RNF20: variants seen among roughly 807,000 people sequenced by gnomAD.
The protein encoded by RNF20 is E3 ubiquitin-protein ligase BRE1A.
Under a neutral mutation model 126.2 loss-of-function variants are expected in RNF20, and 84 were observed. The ratio of observed to expected loss-of-function variants is 0.67; its 90% CI spans 0.56 to 0.80. The LOEUF (loss-of-function observed/expected upper bound fraction) is 0.80, where lower values mean the gene tolerates loss of function less well. Among genes scored for constraint, RNF20 ranks in the 30% least tolerant of loss-of-function variants. The probability of loss-of-function intolerance (pLI) is 0.00; values close to 1 mark genes in which losing one functional copy is unlikely to be tolerated. For missense variants in RNF20, 869 were observed against 1,188.2 expected, an observed-to-expected ratio of 0.73 and a Z score of 3.95; for synonymous variants, 400 against 414.3, an observed-to-expected ratio of 0.97 and a Z score of 0.42.
At chr9:101,556,423 A>G (rs1827531673) in intron 15 of RNF20, among the ~76,000 whole-genome samples, 2 of 152,202 alleles carry the variant, frequency 1.3e-5, no homozygotes, top group African/African-American at 4.8e-5. Context: ...TGCTAAATAC[A>G]TAGTTTTAAA....
intron 15 of RNF20, among the ~76,000 whole-genome samples, chr9:101,555,337 A>G (rs1025693781): frequency 2.0e-5 from 3 of 152,012 alleles, no homozygotes; most frequent in Admixed American, 1.3e-4. Flanking sequence ...GATATAATCT[A>G]TTAACCAATA....
chr9:101,541,029 T>C, intron 5 of RNF20, 54 bp downstream of exon 5: 1 of 1,403,976 alleles, frequency 7.1e-7, no homozygotes. Context: ...AGAATTCATT[T>C]TTGCATGCTA....
chr9:101,537,123 G>T (rs1456790859), intron 2 of RNF20, among the ~76,000 whole-genome samples: 1 of 152,214 alleles, frequency 6.6e-6, no homozygotes, highest in Admixed American at 6.5e-5. Flanking sequence ...AACAATGGCA[G>T]TGTAAATGGA....
At chr9:101,542,217 G>T (rs774270660) in intron 5 of RNF20, among the ~76,000 whole-genome samples, 4 of 152,092 alleles carry the variant, frequency 2.6e-5, no homozygotes, top group Non-Finnish European at 5.9e-5. Context: ...ATTTGGTCAC[G>T]GGTTTCTTTT....
chr9:101,554,587 TA>T, intron 14 of RNF20, 106 bp from the exon 15 acceptor site: 1 of 882,222 alleles, frequency 1.1e-6, no homozygotes, highest in Non-Finnish European at 1.7e-6. Flanking sequence ...TATAATTCTG[TA>T]AAGACTCTTT....
chr9:101,552,054 G>A (rs1827454984), intron 11 of RNF20, 87 bp from the exon 12 acceptor site: 2 of 1,521,242 alleles, frequency 1.3e-6, no homozygotes, highest in East Asian at 2.3e-5. Flanking sequence ...CTATTTCTCA[G>A]TGCCTCCTGA....
intron 9 of RNF20, among the ~76,000 whole-genome samples, chr9:101,547,970 T>C (rs551623145): frequency 1.3e-5 from 2 of 152,314 alleles, no homozygotes; most frequent in African/African-American, 4.8e-5. Context: ...TCAGTAAAGT[T>C]GCAGGCTACA....
chr9:101,561,814 C>T (rs1254236573), intron 18 of RNF20, 96 bp from the exon 19 acceptor site: 2 of 819,536 alleles, frequency 2.4e-6, no homozygotes, highest in Non-Finnish European at 2.2e-6. Context: ...GATAGAAAGT[C>T]CCCTCTTTTC....
chr9:101,551,533 T>G (rs1195395207), intron 10 of RNF20, 151 bp from the exon 11 acceptor site: 2 of 331,486 alleles, frequency 6.0e-6, no homozygotes, highest in African/African-American at 2.7e-5. Flanking sequence ...TATTTTTCAG[T>G]ATCCTGTCAG....
Position 101,547,385 on chromosome 9 carries a change from C to A in RNF20, c.973-14C>A. ...GAATACTTATTTATTCTCTATTTTT[C>A]TGCTTCTCTGCAGTTTGAGGAAATG... On this transcript the variant is annotated splice_polypyrimidine_tract_variant and intron_variant, in intron 8 of 19. Coordinates refer to ENST00000389120, the MANE Select transcript of RNF20 (RefSeq NM_019592.7). 1 of 1,613,490 alleles carries A rather than the reference C, an allele frequency of 6.2e-7. No homozygotes were observed. Among genetic ancestry groups the A allele is most frequent in the Non-Finnish European group, 8.5e-7 (1 of 1,179,778 alleles).
intron 6 of RNF20, among the ~76,000 whole-genome samples, chr9:101,546,529 G>T (rs910737383): frequency 2.0e-5 from 3 of 152,108 alleles, no homozygotes; most frequent in Admixed American, 2.0e-4. Context: ...TGAGTTTGTG[G>T]TCTGTCCAGA....
chr9:101,552,086 T>C, intron 11 of RNF20, 55 bp from the exon 12 acceptor site: 5 of 1,610,508 alleles, frequency 3.1e-6, no homozygotes, highest in Non-Finnish European at 4.2e-6. Flanking sequence ...CTTTCTCTCC[T>C]TGTGCCTTTG....
intron 9 of RNF20, 29 bp from the exon 10 acceptor site, chr9:101,550,577 C>T (rs368998855): frequency 1.9e-6 from 3 of 1,599,890 alleles, no homozygotes; most frequent in Non-Finnish European, 2.6e-6. Context: ...CTAGATTCTG[C>T]TTCTGACTTT....
chr9:101,535,207 C>T (rs949293618), intron 1 of RNF20, among the ~76,000 whole-genome samples, 191 bp from the exon 2 acceptor site: 4 of 151,812 alleles, frequency 2.6e-5, no homozygotes, highest in African/African-American at 7.2e-5. Flanking sequence ...GCGCCCGGCC[C>T]GCCTTGACTT....
intron 15 of RNF20, among the ~76,000 whole-genome samples, chr9:101,555,140 C>G (rs1196225060): frequency 6.6e-6 from 1 of 151,552 alleles, no homozygotes; most frequent in Non-Finnish European, 1.5e-5. Context: ...CTTTGCTGAC[C>G]TGGAATTAAG....
intron 16 of RNF20, among the ~76,000 whole-genome samples, chr9:101,559,296 A>G (rs1297720689): frequency 6.6e-6 from 1 of 152,092 alleles, no homozygotes; most frequent in African/African-American, 2.4e-5. Flanking sequence ...TTTTGTGACT[A>G]TGGCTTTATA....
chr9:101,539,157 T>C (rs1393778780), intron 2 of RNF20, among the ~76,000 whole-genome samples: 1 of 152,100 alleles, frequency 6.6e-6, no homozygotes, highest in Non-Finnish European at 1.5e-5. Flanking sequence ...GGGGGCAGGG[T>C]TTGGTAGAGG....
chr9:101,551,971 TTTG>T, intron 11 of RNF20, 152 bp downstream of exon 11: 1 of 1,299,960 alleles, frequency 7.7e-7, no homozygotes, highest in South Asian at 1.5e-5. Flanking sequence ...AGCCTGGATG[TTTG>T]TTTTTTAACT....
At chr9:101,542,600 A>G (rs886889480) in intron 5 of RNF20, among the ~76,000 whole-genome samples, 1 of 152,214 alleles carries the variant, frequency 6.6e-6, no homozygotes, top group Non-Finnish European at 1.5e-5. Flanking sequence ...GTGTGTGCAC[A>G]TATGCTTCTT....
Sources: allele counts gnomAD v4.1 joint callset (sites outside exome capture counted in the v4.1 genomes callset), GRCh38; gene constraint gnomAD v4.1.1; transcripts MANE v1.5; gene names NCBI Gene and HGNC (gene_info 2026-07-23, HGNC 2026-07-21).